The following PDGFC variants were observed in gnomAD, a reference collection of about 807,000 sequenced individuals.
The protein encoded by PDGFC is platelet derived growth factor C, also known as platelet-derived growth factor C.
In PDGFC, 12 loss-of-function variants were observed where a neutral mutation model predicts 35.5. The observed-to-expected ratio is 0.34, with a 90% CI of 0.22 to 0.55. The LOEUF (loss-of-function observed/expected upper bound fraction) is 0.55, where lower values mean the gene tolerates loss of function less well. Ranked by LOEUF, PDGFC falls within the 20% of genes least tolerant of loss-of-function variation. The pLI is 0.91. For missense variants in PDGFC, 322 were observed against 412.4 expected (o/e 0.78, Z 1.90); for synonymous variants, 159 against 148.8 (o/e 1.07, Z -0.50).
chr4:156,829,878 C>T (rs1403594601), intron 2 of PDGFC, among the ~76,000 whole-genome samples: 1 of 152,084 alleles, frequency 6.6e-6, no homozygotes, highest in Admixed American at 6.5e-5. Flanking sequence ...TGCATCACTT[C>T]TCAATTTTAT....
At chr4:156,880,928 T>C (rs757662872) in intron 1 of PDGFC, among the ~76,000 whole-genome samples, 45 of 152,208 alleles carry the variant, frequency 3.0e-4, no homozygotes, top group Admixed American at 1.4e-3. Context: ...TGTTCTGTTA[T>C]ACTGTTAAAA....
At chr4:156,898,858 T>A (rs1020459021) in intron 1 of PDGFC, among the ~76,000 whole-genome samples, 1 of 152,172 alleles carries the variant, frequency 6.6e-6, no homozygotes, top group Non-Finnish European at 1.5e-5. Context: ...GGGTTTCACA[T>A]GTTTTCTAGG....
In PDGFC at chr4:156,884,011, T is replaced by C. The variant is rs373635100; in HGVS notation, c.119-33595A>G. Among the ~76,000 whole-genome samples the C allele has an allele frequency of 1.4e-4, 22 of 152,292 alleles. No individual in the cohort carries two copies. In the East Asian group the frequency reaches 2.1e-3, roughly 15 times the overall value. ...TCTATCAAAATGGGCCACTTAGAAT[T>C]AATCCACTCTTGATTTTTAGTACAA... is the stretch of plus-strand genomic sequence containing the variant. On this transcript the variant is annotated intron_variant, in intron 1 of 5. Transcript: ENST00000502773.
rs1383082005 is a variant in PDGFC, at chr4:156,807,875, T to G, written c.495+2962A>C. ...TAATGCATGCAAAATATTCATTGGG[T>G]TGATTATGAAAAGTAGATAATGTTA... On this transcript the variant is annotated intron_variant, in intron 3 of 5. Coordinates refer to ENST00000502773, the MANE Select transcript of PDGFC (RefSeq NM_016205.3). 2.0e-5 allele frequency among the ~76,000 whole-genome samples: 3 copies of G among 152,108 alleles called. No individual in the cohort carries two copies. The East Asian group carries it at 5.8e-4, about 29-fold the overall frequency.
At chr4:156,905,869 C>A (rs2110784750) in intron 1 of PDGFC, among the ~76,000 whole-genome samples, 1 of 152,020 alleles carries the variant, frequency 6.6e-6, no homozygotes, top group East Asian at 2.0e-4. Context: ...ACATAATTGC[C>A]ATGTACTATA....
At chr4:156,804,101 C>T (rs1731689565) in intron 3 of PDGFC, among the ~76,000 whole-genome samples, 1 of 126,966 alleles carries the variant, frequency 7.9e-6, no homozygotes, top group South Asian at 2.8e-4. Context: ...GAAAAATACA[C>T]ATGTATTAAA....
intron 1 of PDGFC, among the ~76,000 whole-genome samples, chr4:156,889,261 A>G (rs342311): frequency 0.22 from 33,978 of 152,120 alleles, 4,514 homozygotes; most frequent in South Asian, 0.54. Flanking sequence ...AATCTCACAT[A>G]CAGGTCTGAT....
At chr4:156,788,190 T>C (rs1731182313) in intron 3 of PDGFC, among the ~76,000 whole-genome samples, 1 of 151,102 alleles carries the variant, frequency 6.6e-6, no homozygotes, top group Non-Finnish European at 1.5e-5. Context: ...ACTAAGCAAA[T>C]GCTGCAGTGA....
At chr4:156,914,021 T>C (rs1731102307) in intron 1 of PDGFC, among the ~76,000 whole-genome samples, 1 of 151,950 alleles carries the variant, frequency 6.6e-6, no homozygotes, top group South Asian at 2.1e-4. Context: ...GGTTATCCTG[T>C]AAATTTCTTT....
chr4:156,865,803 A>G (rs746096834), intron 1 of PDGFC, among the ~76,000 whole-genome samples: 2 of 152,198 alleles, frequency 1.3e-5, no homozygotes, highest in African/African-American at 4.8e-5. Context: ...GCAGAAGTTC[A>G]TATGTTTTAA....
chr4:156,967,935 G>A (rs1732503889), intron 1 of PDGFC, among the ~76,000 whole-genome samples: 1 of 152,160 alleles, frequency 6.6e-6, no homozygotes, highest in South Asian at 2.1e-4. Flanking sequence ...AGTATATGAA[G>A]TCAACTTATA....
chr4:156,761,838 GATA>G lies in PDGFC; in HGVS notation c.*1249_*1251del, dbSNP rs1368413824. On this transcript the variant is annotated 3_prime_UTR_variant, in exon 6 of 6. Coordinates refer to ENST00000502773, the MANE Select transcript of PDGFC (RefSeq NM_016205.3). ...TACAAGTGTATGGAACAGAGTTTAAGATAATAAAACCACAACATCACAATAAAT... is the reference window on the plus strand; with the variant it reads ...TACAAGTGTATGGAACAGAGTTTAAGATAAAACCACAACATCACAATAAAT... 1 of 152,602 alleles carries G rather than the reference GATA, an allele frequency of 6.6e-6. No individual in the cohort carries two copies. The highest frequency in any genetic ancestry group is 1.5e-5 in the Non-Finnish European group (1 of 68,028). The allele number at this position is 152,602 out of a possible 1,614,324, so 9.5% of individuals were successfully genotyped here. A position where few individuals can be genotyped will look rare whatever the true frequency, so the allele number is the denominator to read the frequency against.
At chr4:156,825,551 AAATAATAATAATAATAAT>A (rs565531965) in intron 2 of PDGFC, among the ~76,000 whole-genome samples, 32 of 93,944 alleles carry the variant, frequency 3.4e-4, no homozygotes, top group South Asian at 3.3e-3. Flanking sequence ...CCCTGTCTCC[AAATAATAATAATAATAAT>A]AATAATAATA....
chr4:156,908,603 A>G (rs185537785), intron 1 of PDGFC, among the ~76,000 whole-genome samples: 112 of 152,292 alleles, frequency 7.4e-4, no homozygotes, highest in Non-Finnish European at 1.3e-3. Flanking sequence ...AACTGTGATG[A>G]TATCTTACCT....
At chr4:156,910,697 T>C (rs1216098045) in intron 1 of PDGFC, among the ~76,000 whole-genome samples, 2 of 152,154 alleles carry the variant, frequency 1.3e-5, no homozygotes, top group Non-Finnish European at 2.9e-5. Flanking sequence ...TCCTCACCAG[T>C]ATTTGGCATC....
chr4:156,963,224 T>C (rs966039841), intron 1 of PDGFC, among the ~76,000 whole-genome samples: 13 of 151,886 alleles, frequency 8.6e-5, no homozygotes, highest in South Asian at 6.3e-4. Context: ...TCCCAGCACA[T>C]TGGGAGGCCG....
intron 1 of PDGFC, among the ~76,000 whole-genome samples, chr4:156,880,498 A>G (rs979515572): frequency 6.6e-6 from 1 of 152,218 alleles, no homozygotes; most frequent in Admixed American, 6.5e-5. Flanking sequence ...CTGGTCACCC[A>G]AAAGTTCTGA....
intron 1 of PDGFC, among the ~76,000 whole-genome samples, chr4:156,902,619 T>G (rs1377188039): frequency 6.6e-6 from 1 of 152,202 alleles, no homozygotes; most frequent in Non-Finnish European, 1.5e-5. Flanking sequence ...GTGTAAAAAG[T>G]AATTAAAATA....
chr4:156,900,936 G>A lies in PDGFC; in HGVS notation c.119-50520C>T, dbSNP rs559190821. On this transcript the variant is annotated intron_variant, in intron 1 of 5. Coordinates refer to ENST00000502773, the MANE Select transcript of PDGFC (RefSeq NM_016205.3). Reference sequence around the variant, plus strand: ...GGGAGGGAGAGAGGAAGTGAGGGAGGGAGGGAGGGAGGAAGTGAGGGAGGG... The same window carrying A: ...GGGAGGGAGAGAGGAAGTGAGGGAGAGAGGGAGGGAGGAAGTGAGGGAGGG... 1.1e-3 allele frequency among the ~76,000 whole-genome samples: 165 copies of A among 145,458 alleles called. 1 individual carries two copies. The highest frequency in any genetic ancestry group is 1.8e-3 in the Non-Finnish European group (122 of 66,104).
Sources: allele counts gnomAD v4.1 joint callset (sites outside exome capture counted in the v4.1 genomes callset), GRCh38; gene constraint gnomAD v4.1.1; transcripts MANE v1.5; gene names NCBI Gene and HGNC (gene_info 2026-07-23, HGNC 2026-07-21).